ACOT12: variants seen among roughly 807,000 people sequenced by gnomAD.
The protein encoded by ACOT12 is acetyl-coenzyme A thioesterase.
Under a neutral mutation model 67.7 loss-of-function variants are expected in ACOT12, and 51 were observed. That is an observed-to-expected ratio of 0.75 (90% CI 0.60 to 0.95). The LOEUF is 0.95. Among genes scored for constraint, ACOT12 ranks in the 40% least tolerant of loss-of-function variants. ACOT12 has a pLI of 0.00. For synonymous variants in ACOT12, 251 were observed against 244.6 expected (o/e 1.03, Z -0.24); for missense variants, 734 against 708.1 (o/e 1.04, Z -0.41).
intron 2 of ACOT12, among the ~76,000 whole-genome samples, chr5:81,373,699 T>C (rs971215722): frequency 2.6e-5 from 4 of 152,216 alleles, no homozygotes; most frequent in South Asian, 2.1e-4. Flanking sequence ...GCGTCCACCA[T>C]TGCTGAGGCT....
intron 2 of ACOT12, among the ~76,000 whole-genome samples, chr5:81,384,937 A>G (rs561570191): frequency 2.0e-5 from 3 of 152,310 alleles, no homozygotes; most frequent in Admixed American, 6.5e-5. Context: ...AGTTTTCTCA[A>G]TTACCAACCT....
Position 81,393,715 on chromosome 5 carries a change from C to CAACAAACA in ACOT12, c.127+265_127+272dup, listed in dbSNP as rs549066696. 4.0e-3 allele frequency among the ~76,000 whole-genome samples: 609 copies of CAACAAACA among 151,310 alleles called. 6 individuals carry two copies. Among genetic ancestry groups the CAACAAACA allele is most frequent in the African/African-American group, 0.014 (589 of 41,166 alleles). ...CCGGGAGAGAGCTCAACAACAACAA[C>CAACAAACA]AACAAACAAACAAACAAAAAACCCC... On this transcript the variant is annotated intron_variant, in intron 1 of 14. Transcript: ENST00000307624.
intron 2 of ACOT12, among the ~76,000 whole-genome samples, chr5:81,383,513 A>G (rs1760645888): frequency 6.6e-6 from 1 of 152,210 alleles, no homozygotes; most frequent in Non-Finnish European, 1.5e-5. Context: ...GGTTTCTTTA[A>G]AAAATAAATT....
At chr5:81,325,559 G>C (rs140120125), downstream of ACOT12, among the ~76,000 whole-genome samples, 1 of 147,592 alleles carries the variant, frequency 6.8e-6, no homozygotes, top group African/African-American at 2.7e-5. Flanking sequence ...ACAAGGAAAC[G>C]GGGGGGCATG....
In ACOT12 at chr5:81,330,421, A is replaced by G. The variant is rs1477695509; in HGVS notation, c.1641T>C (p.Pro547=). Residue 547 remains proline (P), a synonymous_variant, in exon 15 of 15, where the codon CCT becomes CCC. Coordinates refer to ENST00000307624, the MANE Select transcript of ACOT12 (RefSeq NM_130767.3). ...AAAATGTGCTTACAAACCCATCATC[A>G]GGAGGATTCTCTAAGAACTGTATAC... The part of the protein sequence containing the change: ...ASCIQFLENP[P]DDGFVSTF 1 of 1,613,446 alleles carries G rather than the reference A, an allele frequency of 6.2e-7. No homozygotes were observed. The highest frequency in any genetic ancestry group is 8.5e-7 in the Non-Finnish European group (1 of 1,179,774).
At position 81,335,857 on chromosome 5, in the gene ACOT12, C is replaced by T; in HGVS notation, c.1173G>A (p.Trp391Ter). 6.2e-7 allele frequency: 1 copy of T among 1,613,698 alleles called. No individual in the cohort carries two copies. Among genetic ancestry groups the T allele is most frequent in the South Asian group, 1.1e-5 (1 of 91,030 alleles). Reference protein sequence around the residue: ...TLEEHDVLSVWVEKHVGSPAH... With the variant: ...TLEEHDVLSV ...CTGGACTTCCCACGTGCTTTTCAACCCAAACAGATAAAACATCATGCTCTT... is the reference window on the plus strand; with the variant it reads ...CTGGACTTCCCACGTGCTTTTCAACTCAAACAGATAAAACATCATGCTCTT... Residue 391 changes from tryptophan (W) to a stop codon, truncating the protein, a stop_gained, in exon 12 of 15, where the codon TGG becomes TGA. Transcript: ENST00000307624. LOFTEE classifies it high-confidence loss of function.
Position 81,335,756 on chromosome 5 carries a change from A to C in ACOT12, c.1262+12T>G. The C allele has an allele frequency of 6.2e-7, 1 of 1,601,150 alleles. No individual in the cohort carries two copies. The highest frequency in any genetic ancestry group is 8.5e-7 in the Non-Finnish European group (1 of 1,176,288). Reference sequence around the variant, plus strand: ...AAGGTTGATTGAGAAAAATTTTTAAATTTGTTCTTACACAAAATGGGGGTC... The same window carrying C: ...AAGGTTGATTGAGAAAAATTTTTAACTTTGTTCTTACACAAAATGGGGGTC... On this transcript the variant is annotated intron_variant, in intron 12 of 14. Transcript: ENST00000307624.
intron 11 of ACOT12, among the ~76,000 whole-genome samples, chr5:81,342,466 T>C (rs1759227067): frequency 6.6e-6 from 1 of 151,918 alleles, no homozygotes; most frequent in South Asian, 2.1e-4. Flanking sequence ...AGCTCAGAGG[T>C]AGGAGCATGT....
chr5:81,338,988 C>T (rs566032895), intron 11 of ACOT12, among the ~76,000 whole-genome samples: 18 of 152,048 alleles, frequency 1.2e-4, no homozygotes, highest in African/African-American at 3.4e-4. Context: ...GGCTGAGGCA[C>T]GAGAATCCCT....
At chr5:81,360,647 C>T (rs1404799058) in intron 4 of ACOT12, among the ~76,000 whole-genome samples, 1 of 152,088 alleles carries the variant, frequency 6.6e-6, no homozygotes, top group Non-Finnish European at 1.5e-5. Context: ...ACATAAATGC[C>T]CTTTGCTGAC....
At chr5:81,370,820 C>T (rs377524542) in intron 3 of ACOT12, among the ~76,000 whole-genome samples, 2 of 152,176 alleles carry the variant, frequency 1.3e-5, no homozygotes, top group Non-Finnish European at 2.9e-5. Flanking sequence ...TCTTCCATGT[C>T]TTCATGCCCA....
chr5:81,365,830 G>A (rs1290311054), intron 3 of ACOT12, among the ~76,000 whole-genome samples: 1 of 152,114 alleles, frequency 6.6e-6, no homozygotes, highest in African/African-American at 2.4e-5. Flanking sequence ...TAACTCTGCT[G>A]AATTGAATGG....
At chr5:81,382,550 A>G (rs1760613057) in intron 2 of ACOT12, among the ~76,000 whole-genome samples, 1 of 152,142 alleles carries the variant, frequency 6.6e-6, no homozygotes, top group Admixed American at 6.5e-5. Flanking sequence ...TAATCCCAGC[A>G]CTTTGGGAGG....
At chr5:81,371,418 ATT>A (rs11343063) in intron 3 of ACOT12, among the ~76,000 whole-genome samples, 2 of 148,350 alleles carry the variant, frequency 1.3e-5, no homozygotes, top group Admixed American at 6.7e-5. Context: ...GTGCTGGCTA[ATT>A]TTTTTTTTTC....
chr5:81,331,982 A>G (rs1224874093), intron 13 of ACOT12, among the ~76,000 whole-genome samples: 1 of 152,216 alleles, frequency 6.6e-6, no homozygotes, highest in Non-Finnish European at 1.5e-5. Context: ...ATCTGTTAAT[A>G]CTCATATGTG....
chr5:81,375,107 C>T (rs1760369242), intron 2 of ACOT12, among the ~76,000 whole-genome samples: 1 of 152,166 alleles, frequency 6.6e-6, no homozygotes, highest in African/African-American at 2.4e-5. Flanking sequence ...TCAGGTTACC[C>T]ACAAAGGGAA....
chr5:81,393,446 C>T (rs963830670), intron 1 of ACOT12, among the ~76,000 whole-genome samples: 1 of 152,158 alleles, frequency 6.6e-6, no homozygotes, highest in African/African-American at 2.4e-5. Context: ...AATCCCAACA[C>T]TTTGGGAGGC....
chr5:81,371,853 T>G, intron 2 of ACOT12, 43 bp from the exon 3 acceptor site: 2 of 1,552,412 alleles, frequency 1.3e-6, no homozygotes, highest in South Asian at 2.2e-5. Context: ...TTTTAGCACA[T>G]TTCATTTCAG....
the ACOT12 span, among the ~76,000 whole-genome samples, chr5:81,321,739 G>A: frequency 3.3e-5 from 5 of 151,876 alleles, no homozygotes; most frequent in African/African-American, 1.2e-4. Flanking sequence ...CTGAGCTCAG[G>A]AGTTCAAGAC....
Sources: allele counts gnomAD v4.1 joint callset (sites outside exome capture counted in the v4.1 genomes callset), GRCh38; gene constraint gnomAD v4.1.1; transcripts MANE v1.5; gene names NCBI Gene and HGNC (gene_info 2026-07-23, HGNC 2026-07-21).